The following ZXDC variants were observed in gnomAD, a reference collection of about 807,000 sequenced individuals.
ZXDC encodes zinc finger protein ZXDC.
A neutral mutation model predicts 63.6 loss-of-function variants in ZXDC; 58 were observed. The ratio of observed to expected loss-of-function variants is 0.91; its 90% CI spans 0.74 to 1.13. ZXDC has a LOEUF of 1.13. ZXDC is among the 50% of genes most tolerant of loss of function. The pLI is 0.00. For synonymous variants in ZXDC, 561 were observed against 496.1 expected, an observed-to-expected ratio of 1.13 and a Z score of -1.74; for missense variants, 1,133 against 1,148.9, an observed-to-expected ratio of 0.99 and a Z score of 0.20.
At position 126,438,365 on chromosome 3, in the gene ZXDC, G is replaced by C. The variant is rs148356350; in HGVS notation, c.*10C>G. 3 of 1,609,738 alleles carry C rather than the reference G, an allele frequency of 1.9e-6. No homozygotes were observed. The highest frequency in any genetic ancestry group is 3.4e-5 in the Admixed American group (2 of 59,552). On this transcript the variant is annotated 3_prime_UTR_variant, in exon 10 of 10. Coordinates refer to ENST00000389709, the MANE Select transcript of ZXDC (RefSeq NM_025112.5). ...CCGTGGCCTTGGGCCTGCCCAGGCC[G>C]AGGCTGCCGTCACTGCAGATCCTGC...
intron 7 of ZXDC, among the ~76,000 whole-genome samples, chr3:126,445,685 C>A (rs1264032903): frequency 6.6e-6 from 1 of 151,926 alleles, no homozygotes; most frequent in Non-Finnish European, 1.5e-5. Context: ...GCAAGGACTG[C>A]ACCTGGAAGA....
intron 7 of ZXDC, chr3:126,451,248 T>C (rs1210375478): frequency 4.1e-6 from 4 of 985,324 alleles, no homozygotes; most frequent in East Asian, 1.1e-4. Context: ...TGCATGCATA[T>C]GTGTACTACT....
In ZXDC at chr3:126,443,524, T is replaced by C. The variant is rs565978514; in HGVS notation, c.2213-1578A>G. 5.4e-4 allele frequency: 82 copies of C among 152,328 alleles called. 1 individual carries two copies. Among genetic ancestry groups the C allele is most frequent in the African/African-American group, 1.8e-3 (76 of 41,572 alleles). The allele number at this position is 152,328 out of a possible 1,614,324, so 9.4% of individuals were successfully genotyped here. ...ACTTTATTGCTAACAAATACCGACA[T>C]AGACATGAAGTGAGAACATGCTGTT... is the stretch of plus-strand genomic sequence containing the variant. On this transcript the variant is annotated intron_variant, in intron 7 of 9. Transcript: ENST00000389709.
At chr3:126,463,673 C>A (rs1934644285) in intron 5 of ZXDC, among the ~76,000 whole-genome samples, 1 of 151,848 alleles carries the variant, frequency 6.6e-6, no homozygotes, top group Non-Finnish European at 1.5e-5. Context: ...ATAGGACTGT[C>A]CCCAGCAGCT....
chr3:126,458,869 C>G (rs1161527212), intron 7 of ZXDC: 4 of 985,266 alleles, frequency 4.1e-6, no homozygotes, highest in Non-Finnish European at 3.6e-6. Context: ...GATGCATACA[C>G]TATAGTGAAA....
chr3:126,460,724 C>T (rs1934493355), intron 6 of ZXDC: 1 of 985,316 alleles, frequency 1.0e-6, no homozygotes, highest in African/African-American at 1.7e-5. Context: ...AGAGACTGTC[C>T]TCCTCTCTGA....
intron 4 of ZXDC, among the ~76,000 whole-genome samples, chr3:126,470,528 G>C (rs1236094944): frequency 6.6e-6 from 1 of 152,192 alleles, no homozygotes; most frequent in Non-Finnish European, 1.5e-5. Flanking sequence ...AAAATGATTG[G>C]AGTGACAATT....
intron 7 of ZXDC, chr3:126,457,805 G>T (rs935721579): frequency 2.5e-5 from 9 of 357,806 alleles, no homozygotes; most frequent in Non-Finnish European, 3.5e-5. Flanking sequence ...TGCCACCAGA[G>T]GCTGGGGGTC....
intron 7 of ZXDC, chr3:126,453,278 T>C: frequency 1.0e-6 from 1 of 985,490 alleles, no homozygotes; most frequent in East Asian, 1.1e-4. Flanking sequence ...ACTTAATGCT[T>C]TTTTTAATTG....
intron 5 of ZXDC, 72 bp downstream of exon 5, chr3:126,466,083 C>A: frequency 6.5e-7 from 1 of 1,527,160 alleles, no homozygotes; most frequent in Non-Finnish European, 8.8e-7. Flanking sequence ...GAAGAAGGAA[C>A]AGACGGCACT....
chr3:126,466,860 C>T (rs184845036), intron 4 of ZXDC, among the ~76,000 whole-genome samples: 2 of 152,144 alleles, frequency 1.3e-5, no homozygotes, highest in East Asian at 3.9e-4. Flanking sequence ...GCTTACACTC[C>T]CAGTCCACTT....
intron 5 of ZXDC, among the ~76,000 whole-genome samples, chr3:126,464,895 T>C (rs1393259068): frequency 6.6e-6 from 1 of 152,230 alleles, no homozygotes; most frequent in Admixed American, 6.5e-5. Flanking sequence ...GAACGGCAAC[T>C]GCTGTAAACT....
chr3:126,459,895 C>T (rs1934455664), intron 6 of ZXDC, 158 bp from the exon 7 acceptor site: 1 of 985,368 alleles, frequency 1.0e-6, no homozygotes, highest in Non-Finnish European at 1.2e-6. Flanking sequence ...GCTACATCCA[C>T]TTGTGGCGAG....
intron 7 of ZXDC, chr3:126,450,387 C>G (rs777494): frequency 2.2e-6 from 1 of 456,548 alleles, no homozygotes; most frequent in Non-Finnish European, 4.4e-6. Flanking sequence ...TAGAGATCCA[C>G]GCACCCTCCC....
chr3:126,454,288 C>T, intron 7 of ZXDC: 2 of 984,442 alleles, frequency 2.0e-6, no homozygotes, highest in Non-Finnish European at 2.4e-6. Flanking sequence ...TCTGAGATTT[C>T]TATTGGCTTT....
At chr3:126,464,521 GA>G (rs1934678767) in intron 5 of ZXDC, among the ~76,000 whole-genome samples, 1 of 152,158 alleles carries the variant, frequency 6.6e-6, no homozygotes, top group African/African-American at 2.4e-5. Context: ...CTGGCAGGGG[GA>G]TGACACACAA....
At chr3:126,450,481 A>G (rs1366343480) in intron 7 of ZXDC, 1 of 456,730 alleles carries the variant, frequency 2.2e-6, no homozygotes, top group Admixed American at 2.3e-5. Flanking sequence ...AGATGCCCTC[A>G]TCCAAATCCA....
rs575821303 is a variant in ZXDC at position 126,441,451 on chromosome 3, C to A, written c.2394+314G>T. 1.1e-4 allele frequency: 132 copies of A among 1,158,334 alleles called. No individual in the cohort carries two copies. The South Asian group carries it at 5.1e-3, about 45-fold the overall frequency. The allele number at this position is 1,158,334 out of a possible 1,614,324, so 71.8% of individuals were successfully genotyped here. On this transcript the variant is annotated intron_variant, in intron 8 of 9. Transcript: ENST00000389709. ...AGATCTCATCCTGCTGCAAAACAGCCCTGGGGGCCTCGGGCAGGGAGGCGG... is the reference window on the plus strand; with the variant it reads ...AGATCTCATCCTGCTGCAAAACAGCACTGGGGGCCTCGGGCAGGGAGGCGG...
intron 7 of ZXDC, among the ~76,000 whole-genome samples, chr3:126,452,815 G>C (rs1011850456): frequency 6.6e-6 from 1 of 150,656 alleles, no homozygotes; most frequent in African/African-American, 2.4e-5. Context: ...CCTAGCTCAC[G>C]ACAACCTCCA....
Sources: allele counts gnomAD v4.1 joint callset (sites outside exome capture counted in the v4.1 genomes callset), GRCh38; gene constraint gnomAD v4.1.1; transcripts MANE v1.5; gene names NCBI Gene and HGNC (gene_info 2026-07-23, HGNC 2026-07-21).